JAM3: variants seen among roughly 807,000 people sequenced by gnomAD.
JAM3 encodes the protein junctional adhesion molecule C.
JAM3 carries 31 observed loss-of-function variants against 39.4 expected under a neutral mutation model. The ratio of observed to expected loss-of-function variants is 0.79; its 90% CI spans 0.59 to 1.06. The LOEUF (loss-of-function observed/expected upper bound fraction) is 1.06, where lower values mean the gene tolerates loss of function less well. Ranked by LOEUF, JAM3 falls within the 50% of genes least tolerant of loss-of-function variation. The pLI is 0.00. For synonymous variants in JAM3, 182 were observed against 148.7 expected (o/e 1.22, Z -1.63); for missense variants, 455 against 391.4 (o/e 1.16, Z -1.37).
At chr11:134,084,288 C>G (rs560875257) in intron 1 of JAM3, among the ~76,000 whole-genome samples, 3 of 152,222 alleles carry the variant, frequency 2.0e-5, no homozygotes, top group African/African-American at 7.2e-5. Context: ...CTGAGGTGAT[C>G]TCTTCCTCTT....
chr11:134,099,578 C>T lies in JAM3; in HGVS notation c.76+30419C>T, dbSNP rs147400167. ...TTTATGTTTCTTTCAAGATTTCTGC[C>T]CTTTGCCTCCTGTATTTTTCTATTT... On this transcript the variant is annotated intron_variant, in intron 1 of 8. Transcript: ENST00000299106. Among the ~76,000 whole-genome samples, 48 of 152,148 alleles carry T rather than the reference C, an allele frequency of 3.2e-4. 2 individuals are homozygous for T. In the South Asian group the frequency reaches 7.7e-3, roughly 24 times the overall value.
chr11:134,070,774 T>C (rs1941472963), intron 1 of JAM3, among the ~76,000 whole-genome samples: 2 of 152,250 alleles, frequency 1.3e-5, no homozygotes, highest in South Asian at 2.1e-4. Context: ...TGGTAGTTTG[T>C]TAATAAAACT....
chr11:134,098,338 G>C (rs952151007), intron 1 of JAM3, among the ~76,000 whole-genome samples: 4 of 152,214 alleles, frequency 2.6e-5, no homozygotes, highest in Admixed American at 2.6e-4. Context: ...TGTTTTGAAA[G>C]AGGTCTTTTA....
chr11:134,145,857 G>A (rs948297472), intron 5 of JAM3, 89 bp from the exon 6 acceptor site: 17 of 845,778 alleles, frequency 2.0e-5, no homozygotes, highest in South Asian at 4.0e-5. Flanking sequence ...GCGAGCAGGT[G>A]TCGACCTAGT....
chr11:134,124,005 G>C, intron 1 of JAM3: 3 of 1,501,734 alleles, frequency 2.0e-6, no homozygotes, highest in Admixed American at 1.7e-5. Context: ...CAGCACAGGT[G>C]CCCTTCCCAA....
At chr11:134,074,630 G>A (rs1426940930) in intron 1 of JAM3, among the ~76,000 whole-genome samples, 3 of 152,236 alleles carry the variant, frequency 2.0e-5, no homozygotes, top group Non-Finnish European at 2.9e-5. Flanking sequence ...CGAGATTACC[G>A]GCCTCCCCCC....
At chr11:134,093,063 C>T (rs1941902519) in intron 1 of JAM3, among the ~76,000 whole-genome samples, 1 of 133,352 alleles carries the variant, frequency 7.5e-6, no homozygotes, top group Non-Finnish European at 1.6e-5. Flanking sequence ...TCATGTTCCA[C>T]CTTACATCTT....
At chr11:134,115,245 T>A (rs1199266920) in intron 1 of JAM3, among the ~76,000 whole-genome samples, 1 of 152,190 alleles carries the variant, frequency 6.6e-6, no homozygotes, top group Non-Finnish European at 1.5e-5. Context: ...TTTTTCATCC[T>A]TTTATTTTGA....
At chr11:134,117,107 A>G (rs2120754403) in intron 1 of JAM3, among the ~76,000 whole-genome samples, 1 of 152,240 alleles carries the variant, frequency 6.6e-6, no homozygotes, top group African/African-American at 2.4e-5. Context: ...CATGCCTGTA[A>G]TCCCAGCACT....
At chr11:134,121,202 C>G in intron 1 of JAM3, among the ~76,000 whole-genome samples, 1 of 152,150 alleles carries the variant, frequency 6.6e-6, no homozygotes, top group East Asian at 1.9e-4. Context: ...TTTAAACAAG[C>G]GAAGTGATTG....
At chr11:134,101,557 A>T (rs470522) in intron 1 of JAM3, among the ~76,000 whole-genome samples, 60,077 of 152,012 alleles carry the variant, frequency 0.4, 12,918 homozygotes, top group African/African-American at 0.58. Flanking sequence ...ATTCCTGTTG[A>T]TAATACTATT....
At position 134,148,760 on chromosome 11, in the gene JAM3, A is replaced by T. The variant is rs1458834995; in HGVS notation, c.843-4A>T. The T allele has an allele frequency of 2.5e-6, 4 of 1,614,004 alleles. No homozygotes were observed. In the African/African-American group the frequency reaches 5.3e-5, roughly 22 times the overall value. On this transcript the variant is annotated splice_region_variant and splice_polypyrimidine_tract_variant and intron_variant, in intron 7 of 8. Coordinates refer to ENST00000299106, the MANE Select transcript of JAM3 (RefSeq NM_032801.5). ...GTTGCTAAACTGCTCTCTTCTCCTCATAGTTACAAGAACCCAGGGAAACCA... is the reference window on the plus strand; with the variant it reads ...GTTGCTAAACTGCTCTCTTCTCCTCTTAGTTACAAGAACCCAGGGAAACCA...
At position 134,149,120 on chromosome 11, in the gene JAM3, G is replaced by A. The variant is rs560973855; in HGVS notation, c.898-26G>A. On this transcript the variant is annotated intron_variant, in intron 8 of 8. Transcript: ENST00000299106. ...CTGCTTGCCACCAGGCCCCTTGATG[G>A]CTCTAACTGTGTGTTGGCTTTGCAG... 1.1e-4 allele frequency: 185 copies of A among 1,613,902 alleles called. 3 individuals carry two copies. The South Asian group carries it at 2.0e-3, about 17-fold the overall frequency.
At chr11:134,116,800 A>G (rs371543006) in intron 1 of JAM3, among the ~76,000 whole-genome samples, 2 of 152,210 alleles carry the variant, frequency 1.3e-5, no homozygotes, top group South Asian at 2.1e-4. Context: ...ACACATATCT[A>G]TACTATTTCT....
intron 1 of JAM3, among the ~76,000 whole-genome samples, chr11:134,122,085 G>T (rs938586162): frequency 6.6e-6 from 1 of 152,060 alleles, no homozygotes; most frequent in African/African-American, 2.4e-5. Context: ...ATTTTGTTTT[G>T]TTTTCTGGGA....
chr11:134,128,329 G>A (rs1942694037), intron 1 of JAM3, among the ~76,000 whole-genome samples: 1 of 152,064 alleles, frequency 6.6e-6, no homozygotes, highest in South Asian at 2.1e-4. Flanking sequence ...CTCTGAGCTG[G>A]GATTAAATGT....
intron 1 of JAM3, among the ~76,000 whole-genome samples, chr11:134,087,041 G>A (rs1941756146): frequency 1.3e-5 from 2 of 152,096 alleles, no homozygotes; most frequent in African/African-American, 4.8e-5. Flanking sequence ...ATGGGCTCAA[G>A]CGATCCTCCT....
At chr11:134,104,218 T>C (rs1942135259) in intron 1 of JAM3, among the ~76,000 whole-genome samples, 1 of 152,136 alleles carries the variant, frequency 6.6e-6, no homozygotes, top group South Asian at 2.1e-4. Context: ...CAAAACCACT[T>C]GACTACATGG....
At position 134,115,266 on chromosome 11, in the gene JAM3, CTTTATA is replaced by C. The variant is rs58309772; in HGVS notation, c.77-24580_77-24575del. The stretch of plus-strand genomic sequence containing the variant: ...ATCCTTTTATTTTGAAGCTTTGTAT[CTTTATA>C]TTTAAAGTTGCCTTGCTTTTTTAGG... On this transcript the variant is annotated intron_variant, in intron 1 of 8. Coordinates refer to ENST00000299106, the MANE Select transcript of JAM3 (RefSeq NM_032801.5). Among the ~76,000 whole-genome samples, 293 of 152,062 alleles carry C rather than the reference CTTTATA, an allele frequency of 1.9e-3. 2 individuals carry two copies. The highest frequency in any genetic ancestry group is 6.9e-3 in the African/African-American group (287 of 41,506).
Sources: gnomAD v4.1 joint callset for allele counts (sites outside exome capture counted in the v4.1 genomes callset) on GRCh38, gnomAD v4.1.1 for gene constraint, MANE v1.5 for transcripts, NCBI Gene and HGNC (gene_info 2026-07-23, HGNC 2026-07-21) for gene names.